Variants in ELAVL2 observed in about 807,000 individuals in gnomAD.
The protein encoded by ELAVL2 is ELAV like RNA binding protein 2, also known as ELAV-like protein 2.
ELAVL2 carries 4 observed loss-of-function variants against 34.6 expected under a neutral mutation model. The observed-to-expected ratio is 0.12, with a 90% CI of 0.06 to 0.26. The LOEUF (loss-of-function observed/expected upper bound fraction) is 0.26. Among genes scored for constraint, ELAVL2 ranks in the 10% least tolerant of loss-of-function variants. The pLI, the probability that ELAVL2 is intolerant of heterozygous loss-of-function variation, is 1.00. For missense variants in ELAVL2, 432 were observed against 442.8 expected, an observed-to-expected ratio of 0.98 and a Z score of 0.22; for synonymous variants, 193 against 154.8, an observed-to-expected ratio of 1.25 and a Z score of -1.83.
At chr9:23,729,860 C>G (rs2046126874) in intron 3 of ELAVL2, among the ~76,000 whole-genome samples, 1 of 151,994 alleles carries the variant, frequency 6.6e-6, no homozygotes, top group Admixed American at 6.6e-5. Flanking sequence ...ACAAAAATGA[C>G]ACTTCATTTC....
At chr9:23,759,769 T>TATATATATATATATATATATATATATAG (rs2054502535) in intron 2 of ELAVL2, among the ~76,000 whole-genome samples, 1 of 135,038 alleles carries the variant, frequency 7.4e-6, no homozygotes. Flanking sequence ...TATATATATA[T>TATATATATATATATATATATATATATAG]ATATATATAT....
intron 1 of ELAVL2, among the ~76,000 whole-genome samples, chr9:23,785,775 A>T (rs1462104051): frequency 6.6e-6 from 1 of 152,240 alleles, no homozygotes. Flanking sequence ...GAGCAGAATA[A>T]CAGATCAAAA....
At chr9:23,697,536 G>A (rs541684223) in intron 5 of ELAVL2, among the ~76,000 whole-genome samples, 32 of 152,038 alleles carry the variant, frequency 2.1e-4, no homozygotes, top group South Asian at 1.5e-3. Flanking sequence ...AATAGCACAC[G>A]CCCATGTACA....
At chr9:23,779,963 C>T (rs1429586864) in intron 1 of ELAVL2, among the ~76,000 whole-genome samples, 47 of 82,584 alleles carry the variant, frequency 5.7e-4, no homozygotes, top group African/African-American at 1.9e-3. Flanking sequence ...TCCCCAGAAT[C>T]GGTGATAGTG....
At chr9:23,805,930 A>T (rs1588681714) in intron 1 of ELAVL2, among the ~76,000 whole-genome samples, 1 of 152,186 alleles carries the variant, frequency 6.6e-6, no homozygotes, top group East Asian at 1.9e-4. Flanking sequence ...GTTTCAGCTT[A>T]GTCAAAGTGG....
In ELAVL2 at chr9:23,770,003, G is replaced by A. The variant is rs142025306; in HGVS notation, c.-15-7754C>T. ...TTGAGCAATGGGAAAGTAAAGATCT[G>A]GCGAAAAAGATCTGCTTAAGTTTCA... is the stretch of plus-strand genomic sequence containing the variant. On this transcript the variant is annotated intron_variant, in intron 1 of 6. Coordinates refer to ENST00000397312, the MANE Select transcript of ELAVL2 (RefSeq NM_004432.5). Among the ~76,000 whole-genome samples the A allele has an allele frequency of 8.7e-3, 1,320 of 152,194 alleles. 12 individuals are homozygous for A. Among genetic ancestry groups the A allele is most frequent in the Middle Eastern group, 0.034 (10 of 294 alleles).
chr9:23,786,184 A>C (rs909042195), intron 1 of ELAVL2, among the ~76,000 whole-genome samples: 5 of 152,212 alleles, frequency 3.3e-5, no homozygotes, highest in African/African-American at 1.2e-4. Flanking sequence ...CGTGTGCACT[A>C]TTTTTTAAAA....
At position 23,704,256 on chromosome 9, in the gene ELAVL2, T is replaced by C. The variant is rs371274058; in HGVS notation, c.487+662A>G. ...CAAGTATTGCTTTTATAATAGAAAA[T>C]TGTATCTGTATTTTATTTTTAAAAT... On this transcript the variant is annotated intron_variant, in intron 4 of 6. Transcript: ENST00000397312. Among the ~76,000 whole-genome samples, 188 of 152,088 alleles carry C rather than the reference T, an allele frequency of 1.2e-3. 8 individuals are homozygous for C. The South Asian group carries it at 0.037, about 30-fold the overall frequency.
chr9:23,733,692 T>G (rs1453346845), intron 2 of ELAVL2, among the ~76,000 whole-genome samples: 1 of 152,206 alleles, frequency 6.6e-6, no homozygotes, highest in Non-Finnish European at 1.5e-5. Context: ...AAGCCTGTCT[T>G]GCTTACTTCC....
chr9:23,839,571 TC>T, the ELAVL2 span, among the ~76,000 whole-genome samples: 1 of 152,098 alleles, frequency 6.6e-6, no homozygotes, highest in African/African-American at 2.4e-5. Flanking sequence ...CAAGAACAAA[TC>T]CTAAAATTGC....
At chr9:23,830,640 T>C (rs1360537710), upstream of ELAVL2, among the ~76,000 whole-genome samples, 4 of 101,482 alleles carry the variant, frequency 3.9e-5, no homozygotes, top group African/African-American at 1.3e-4. Flanking sequence ...TTTTTTTTTT[T>C]CCTGGACCAA....
At chr9:23,823,412 CA>C (rs2065072477) in intron 1 of ELAVL2, among the ~76,000 whole-genome samples, 1 of 152,130 alleles carries the variant, frequency 6.6e-6, no homozygotes, top group African/African-American at 2.4e-5. Context: ...AAGAGTTCCC[CA>C]AGTCTTCCAA....
intron 1 of ELAVL2, among the ~76,000 whole-genome samples, chr9:23,774,213 CAAAAAAAAAAAA>C (rs57247631): frequency 1.1e-4 from 7 of 61,452 alleles, no homozygotes; most frequent in Admixed American, 2.2e-4. Flanking sequence ...GACTCCATCT[CAAAAAAAAAAAA>C]AAAAAAAAAA....
intron 3 of ELAVL2, among the ~76,000 whole-genome samples, chr9:23,708,429 T>C (rs1300725380): frequency 6.6e-6 from 1 of 152,170 alleles, no homozygotes; most frequent in Non-Finnish European, 1.5e-5. Flanking sequence ...CAACTAGTGT[T>C]GAATTCTGGG....
intron 4 of ELAVL2, among the ~76,000 whole-genome samples, chr9:23,704,173 C>T (rs1347475999): frequency 8.9e-6 from 1 of 112,580 alleles, no homozygotes; most frequent in Non-Finnish European, 2.0e-5. Context: ...CTCAGGTGAT[C>T]CGCCCTCCTT....
intron 1 of ELAVL2, among the ~76,000 whole-genome samples, chr9:23,766,858 T>C (rs1419436641): frequency 1.3e-5 from 2 of 152,018 alleles, no homozygotes; most frequent in Non-Finnish European, 2.9e-5. Flanking sequence ...CTGGGCTGTG[T>C]ACTATTTATA....
intron 1 of ELAVL2, among the ~76,000 whole-genome samples, chr9:23,808,893 T>A (rs1588704034): frequency 6.6e-6 from 1 of 152,162 alleles, no homozygotes; most frequent in Non-Finnish European, 1.5e-5. Flanking sequence ...TGCTTCTGAA[T>A]TCCATAGGGA....
At chr9:23,781,996 T>A (rs2059132318) in intron 1 of ELAVL2, among the ~76,000 whole-genome samples, 1 of 152,146 alleles carries the variant, frequency 6.6e-6, no homozygotes, top group Non-Finnish European at 1.5e-5. Context: ...TTTTTTAAAA[T>A]CTTTTGTGGA....
intron 5 of ELAVL2, among the ~76,000 whole-genome samples, chr9:23,700,724 T>C (rs185120301): frequency 1.3e-3 from 197 of 152,344 alleles, no homozygotes; most frequent in Non-Finnish European, 2.4e-3. Flanking sequence ...TCTGCCAACC[T>C]GTTTGTAAAC....
Sources: allele counts gnomAD v4.1 joint callset (sites outside exome capture counted in the v4.1 genomes callset), GRCh38; gene constraint gnomAD v4.1.1; transcripts MANE v1.5; gene names NCBI Gene and HGNC (gene_info 2026-07-23, HGNC 2026-07-21).